Variants in IFNGR2 observed in about 807,000 individuals in gnomAD.
The protein encoded by IFNGR2 is IFN-gamma receptor 2.
In IFNGR2, 15 loss-of-function variants were observed where a neutral mutation model predicts 41.1. That is an observed-to-expected ratio of 0.37 (90% CI 0.24 to 0.56). IFNGR2 has a LOEUF of 0.56. Among genes scored for constraint, IFNGR2 ranks in the 20% least tolerant of loss-of-function variants. The pLI is 0.81. For synonymous variants in IFNGR2, 161 were observed against 171.6 expected, an observed-to-expected ratio of 0.94 and a Z score of 0.48; for missense variants, 362 against 415.7, an observed-to-expected ratio of 0.87 and a Z score of 1.12.
rs5843604 is a variant in IFNGR2, at chr21:33,436,736, T to TA, written c.880-87dup. 121,246 of 1,018,218 alleles carry TA rather than the reference T, an allele frequency of 0.12. 6,460 individuals carry two copies. Among genetic ancestry groups the TA allele is most frequent in the African/African-American group, 0.24 (14,051 of 58,958 alleles). 63.1% of individuals were successfully genotyped at this position (1,018,218 alleles called of 1,614,324 possible). ...CTCCATCTCAAAAAAAAAATAAAAATAAAAATAAAATAAAAACAAAAACTA... is the reference window on the plus strand; with the variant it reads ...CTCCATCTCAAAAAAAAAATAAAAATAAAAAATAAAATAAAAACAAAAACTA... On this transcript the variant is annotated intron_variant, in intron 6 of 6. Coordinates refer to ENST00000290219, the MANE Select transcript of IFNGR2 (RefSeq NM_005534.4).
chr21:33,418,157 A>G (rs767282544), intron 2 of IFNGR2, among the ~76,000 whole-genome samples: 7 of 152,056 alleles, frequency 4.6e-5, no homozygotes, highest in Non-Finnish European at 7.4e-5. Flanking sequence ...CGTGGGTTCA[A>G]GCGATTCTCC....
chr21:33,422,960 C>A (rs2083805676), intron 3 of IFNGR2, among the ~76,000 whole-genome samples: 1 of 128,702 alleles, frequency 7.8e-6, no homozygotes, highest in African/African-American at 3.0e-5. Context: ...ATAGAAGAAA[C>A]AAAATTGGCC....
At chr21:33,425,961 G>C (rs1240135724) in intron 3 of IFNGR2, among the ~76,000 whole-genome samples, 3 of 152,214 alleles carry the variant, frequency 2.0e-5, no homozygotes, top group African/African-American at 7.2e-5. Context: ...ACTTTGATCT[G>C]AGTTTCTCTG....
chr21:33,432,550 CTT>C (rs1274263222), intron 5 of IFNGR2, 162 bp from the exon 6 acceptor site: 1 of 890,278 alleles, frequency 1.1e-6, no homozygotes, highest in Non-Finnish European at 1.8e-6. Flanking sequence ...ACAGGATTGA[CTT>C]TAGCTATTAA....
chr21:33,430,913 A>G (rs533616216), intron 4 of IFNGR2, among the ~76,000 whole-genome samples: 2 of 152,334 alleles, frequency 1.3e-5, no homozygotes, highest in East Asian at 3.9e-4. Flanking sequence ...AAAATTAGAA[A>G]ACAGTTCTTT....
In IFNGR2 at chr21:33,432,827, T is replaced by C; in HGVS notation, c.835T>C (p.Tyr279His). The change falls in exon 6 of 7, where the codon TAC (tyrosine) becomes CAC (histidine). Residue 279 changes from tyrosine (Y) to histidine (H), a missense_variant. Coordinates refer to ENST00000290219, the MANE Select transcript of IFNGR2 (RefSeq NM_005534.4). Reference protein sequence around the residue: ...LVLKYRGLIKYWFHTPPSIPL... With the variant: ...LVLKYRGLIKHWFHTPPSIPL... ...CCTGAAATATAGAGGCCTGATTAAA[T>C]ACTGGTTTCACACTCCACCAAGCAT... 1 of 1,613,806 alleles carries C rather than the reference T, an allele frequency of 6.2e-7. No individual in the cohort carries two copies. Among genetic ancestry groups the C allele is most frequent in the Non-Finnish European group, 8.5e-7 (1 of 1,179,858 alleles).
chr21:33,432,943 T>C, intron 6 of IFNGR2, 72 bp downstream of exon 6: 1 of 1,281,314 alleles, frequency 7.8e-7, no homozygotes, highest in East Asian at 2.4e-5. Context: ...GGGAGTGTCA[T>C]GGTACAATCT....
Position 33,428,774 on chromosome 21 carries a change from T to C in IFNGR2, c.561+1742T>C, listed in dbSNP as rs1040426062. 1.0e-3 allele frequency among the ~76,000 whole-genome samples: 153 copies of C among 152,202 alleles called. 11 individuals carry two copies. Among genetic ancestry groups the C allele is most frequent in the Non-Finnish European group, 2.9e-5 (2 of 68,032 alleles). On this transcript the variant is annotated intron_variant, in intron 4 of 6. Coordinates refer to ENST00000290219, the MANE Select transcript of IFNGR2 (RefSeq NM_005534.4). Reference sequence around the variant, plus strand: ...GATGGGCCCTCTGGCCACGCTTTTCTCCACCCTTTGGTTGCTTTCTTCACT... The same window carrying C: ...GATGGGCCCTCTGGCCACGCTTTTCCCCACCCTTTGGTTGCTTTCTTCACT...
chr21:33,411,867 A>G (rs1426047715), intron 1 of IFNGR2, among the ~76,000 whole-genome samples: 1 of 152,248 alleles, frequency 6.6e-6, no homozygotes, highest in African/African-American at 2.4e-5. Context: ...ACTTCTGACC[A>G]GCAGAACTAT....
In IFNGR2 at chr21:33,403,632, G is replaced by A. The variant is rs571968917; in HGVS notation, c.73+16G>A. On this transcript the variant is annotated intron_variant, in intron 1 of 6. Coordinates refer to ENST00000290219, the MANE Select transcript of IFNGR2 (RefSeq NM_005534.4). ...GCCCCGCCAGGTGAGCCGGGCCTGG[G>A]CCTCCGCGGCGGGACGCGGGCGCAG... The A allele has an allele frequency of 1.8e-3, 2,353 of 1,318,056 alleles. 15 individuals carry two copies. Among genetic ancestry groups the A allele is most frequent in the South Asian group, 0.012 (613 of 50,798 alleles). 81.6% of individuals were successfully genotyped at this position (1,318,056 alleles called of 1,614,324 possible).
At chr21:33,422,577 G>A (rs184263359) in intron 3 of IFNGR2, among the ~76,000 whole-genome samples, 3 of 152,106 alleles carry the variant, frequency 2.0e-5, no homozygotes, top group Non-Finnish European at 4.4e-5. Context: ...AAAAAATTGG[G>A]GGAATAAAAA....
chr21:33,405,259 C>T (rs1303555538), intron 1 of IFNGR2, among the ~76,000 whole-genome samples: 1 of 152,130 alleles, frequency 6.6e-6, no homozygotes, highest in African/African-American at 2.4e-5. Flanking sequence ...AAGATTCTTC[C>T]CATTCGAAGC....
intron 4 of IFNGR2, 106 bp downstream of exon 4, chr21:33,427,138 C>T: frequency 1.1e-6 from 1 of 948,414 alleles, no homozygotes; most frequent in South Asian, 1.3e-5. Flanking sequence ...GTCTCCATGT[C>T]CCCGTGTCCC....
At chr21:33,405,931 G>A (rs1243246428) in intron 1 of IFNGR2, among the ~76,000 whole-genome samples, 1 of 152,100 alleles carries the variant, frequency 6.6e-6, no homozygotes, top group Non-Finnish European at 1.5e-5. Context: ...TCAGGAGGCT[G>A]AAGCCGAAGA....
chr21:33,424,958 G>A lies in IFNGR2; in HGVS notation c.413-1926G>A, dbSNP rs575132019. Among the ~76,000 whole-genome samples the A allele has an allele frequency of 9.9e-4, 151 of 152,208 alleles. 1 individual carries two copies. Among genetic ancestry groups the A allele is most frequent in the Non-Finnish European group, 1.7e-3 (115 of 68,004 alleles). ...GAGTTTCACTCTTGTCACCCGGGCT[G>A]GAGTGCAGTGGCCCGATCTCGGCTC... On this transcript the variant is annotated intron_variant, in intron 3 of 6. Coordinates refer to ENST00000290219, the MANE Select transcript of IFNGR2 (RefSeq NM_005534.4).
At chr21:33,433,749 G>T (rs577451966) in intron 6 of IFNGR2, among the ~76,000 whole-genome samples, 23 of 151,258 alleles carry the variant, frequency 1.5e-4, no homozygotes, top group Middle Eastern at 6.8e-3. Flanking sequence ...AAAGAGTTAT[G>T]ATGGTACATT....
intron 1 of IFNGR2, among the ~76,000 whole-genome samples, chr21:33,410,680 CTGGT>C (rs2083709392): frequency 3.3e-5 from 5 of 152,142 alleles, no homozygotes; most frequent in Admixed American, 2.6e-4. Context: ...GTTGGCCAGG[CTGGT>C]TTCAAACTCC....
intron 3 of IFNGR2, among the ~76,000 whole-genome samples, chr21:33,422,501 A>G (rs1233206711): frequency 6.6e-6 from 1 of 152,144 alleles, no homozygotes; most frequent in African/African-American, 2.4e-5. Flanking sequence ...TTTGGTTATG[A>G]TTTTTAAAGG....
intron 2 of IFNGR2, among the ~76,000 whole-genome samples, chr21:33,419,946 ATCTG>A (rs2083780303): frequency 6.6e-6 from 1 of 152,112 alleles, no homozygotes; most frequent in African/African-American, 2.4e-5. Context: ...GTCTTTAGGT[ATCTG>A]TCTACCTTGA....
Sources: allele counts gnomAD v4.1 joint callset (sites outside exome capture counted in the v4.1 genomes callset), GRCh38; gene constraint gnomAD v4.1.1; transcripts MANE v1.5; gene names NCBI Gene and HGNC (gene_info 2026-07-23, HGNC 2026-07-21).